The following GRAMD4 variants were observed in gnomAD, a reference collection of about 807,000 sequenced individuals.
The protein encoded by GRAMD4 is GRAM domain containing 4, also known as GRAM domain-containing protein 4.
GRAMD4 carries 25 observed loss-of-function variants against 83.9 expected under a neutral mutation model. The ratio of observed to expected loss-of-function variants is 0.30; its 90% confidence interval spans 0.22 to 0.42. The LOEUF is 0.42. Among genes scored for constraint, GRAMD4 ranks in the 10% least tolerant of loss-of-function variants. The probability of loss-of-function intolerance (pLI) is 1.00; values close to 1 mark genes in which losing one functional copy is unlikely to be tolerated. For missense variants in GRAMD4, 593 were observed against 788.7 expected, an observed-to-expected ratio of 0.75 and a Z score of 2.97; for synonymous variants, 336 against 320.9, an observed-to-expected ratio of 1.05 and a Z score of -0.50.
chr22:46,677,094 C>T, intron 18 of GRAMD4, 53 bp from the exon 19 acceptor site: 2 of 1,606,004 alleles, frequency 1.2e-6, no homozygotes, highest in Non-Finnish European at 1.7e-6. Context: ...GGTCCTGGTC[C>T]TGGCGCCAGC....
Position 46,626,821 on chromosome 22 carries a change from A to G in GRAMD4, c.22A>G (p.Ile8Val). 6.2e-7 allele frequency: 1 copy of G among 1,614,000 alleles called. No homozygotes were observed. The highest frequency in any genetic ancestry group is 1.1e-5 in the South Asian group (1 of 91,080). Residue 8 changes from isoleucine to valine, a missense_variant, in exon 2 of 19, where the codon ATC becomes GTC. Ile to Val is a conservative substitution (Grantham distance 29). Transcript: ENST00000406902. Reference protein sequence around the residue: MLRRLDKIRFRGHKRDDF... With the variant: MLRRLDKVRFRGHKRDDF... ...GAACATGCTAAGGAGGTTGGACAAA[A>G]TCAGGTTCAGAGGTCACAAGAGAGA...
chr22:46,653,814 T>C (rs1359163378), intron 3 of GRAMD4, among the ~76,000 whole-genome samples: 2 of 152,168 alleles, frequency 1.3e-5, no homozygotes, highest in South Asian at 2.1e-4. Context: ...CCTGGGAAAG[T>C]ACCTGAGCCT....
At chr22:46,652,439 A>T (rs1320912004) in intron 3 of GRAMD4, among the ~76,000 whole-genome samples, 1 of 152,148 alleles carries the variant, frequency 6.6e-6, no homozygotes, top group African/African-American at 2.4e-5. Flanking sequence ...TGGACTTCTG[A>T]CCCCAGAACT....
In GRAMD4 at chr22:46,597,491, T is replaced by C. The variant is rs138892588; in HGVS notation, c.-50+20201T>C. Among the ~76,000 whole-genome samples the C allele has an allele frequency of 1.5e-4, 23 of 152,180 alleles. 2 individuals are homozygous for C. The East Asian group carries it at 3.9e-3, about 26-fold the overall frequency. On this transcript the variant is annotated intron_variant, in intron 1 of 1. Coordinates refer to the GRAMD4 transcript ENST00000431155. ...TGGTTTCATTTATCTATCTATCTAT[T>C]TATTTATTTATTTTTTGAGACGGAG...
intron 1 of GRAMD4, among the ~76,000 whole-genome samples, chr22:46,585,484 C>T (rs1374730763): frequency 3.9e-5 from 6 of 152,224 alleles, no homozygotes; most frequent in Admixed American, 2.0e-4. Flanking sequence ...GCCACCGCGC[C>T]CGGCTGCCTG....
At chr22:46,610,803 C>T (rs981512234) in intron 1 of GRAMD4, among the ~76,000 whole-genome samples, 2 of 152,204 alleles carry the variant, frequency 1.3e-5, no homozygotes, top group African/African-American at 4.8e-5. Context: ...CCACTAGAAA[C>T]GCATCCCTCC....
rs1239844802 is a variant in GRAMD4, at chr22:46,620,439, G to A, written c.-176G>A. ...GGGCAGCAGACACCACCCTCTCCGT[G>A]CCTGCTGGTGTTGGGCGGCTTGGAG... On this transcript the variant is annotated 5_prime_UTR_variant, in exon 1 of 19. Coordinates refer to ENST00000406902, the MANE Select transcript of GRAMD4 (RefSeq NM_015124.5). This position sits in a 1 kb window ranked among gnomAD's most constrained non-coding sequence, Gnocchi z 4.7. The A allele has an allele frequency of 1.2e-5, 12 of 985,338 alleles. No homozygotes were observed. The South Asian group carries it at 2.3e-4, about 19-fold the overall frequency. The allele number at this position is 985,338 out of a possible 1,614,324, so 61.0% of individuals were successfully genotyped here.
chr22:46,668,762 G>A (rs780018003), intron 12 of GRAMD4, 30 bp downstream of exon 12: 48 of 1,592,626 alleles, frequency 3.0e-5, no homozygotes, highest in African/African-American at 6.9e-5. Context: ...CCGGCCCTGC[G>A]GCGCCCGCCC....
chr22:46,640,405 CGTT>C (rs2081958232), intron 3 of GRAMD4, among the ~76,000 whole-genome samples: 1 of 152,046 alleles, frequency 6.6e-6, no homozygotes, highest in Admixed American at 6.5e-5. Flanking sequence ...CGCTTTGAGA[CGTT>C]GTTGATAACA....
chr22:46,618,191 C>T (rs1006321107), upstream of GRAMD4, among the ~76,000 whole-genome samples: 6 of 152,112 alleles, frequency 3.9e-5, no homozygotes, highest in Non-Finnish European at 8.8e-5. This position sits in a 1 kb window ranked among gnomAD's most constrained non-coding sequence, Gnocchi z 5.8. Flanking sequence ...GAGGGAGACT[C>T]GGGTGCCTGC....
Position 46,621,456 on chromosome 22 carries a change from C to T in GRAMD4, c.-50+891C>T, listed in dbSNP as rs1437821401. On this transcript the variant is annotated intron_variant, in intron 1 of 18. Transcript: ENST00000406902. The surrounding 1 kb of genome is among the most constrained non-coding windows in gnomAD (Gnocchi z 5.8). ...CATGTGGCCGTGGAGGGCACCCCTA[C>T]CCCGGTGCAGGCGCAGGCTGGAGGC... 6.6e-6 allele frequency among the ~76,000 whole-genome samples: 1 copy of T among 152,142 alleles called. No individual in the cohort carries two copies. The highest frequency in any genetic ancestry group is 1.5e-5 in the Non-Finnish European group (1 of 68,008).
At chr22:46,661,313 G>A (rs976655798) in intron 4 of GRAMD4, 68 bp from the exon 5 acceptor site, 12 of 1,255,782 alleles carry the variant, frequency 9.6e-6, no homozygotes, top group Non-Finnish European at 1.4e-5. Flanking sequence ...GAGCCCTCGG[G>A]GGTGCCTGAC....
rs1277114957 is a variant in GRAMD4, at chr22:46,678,355, T to TC, written c.*1109dup. ...GCAGCCGACATGCGACAGCGTTCCCTCCCCCGCGTGCCTAGCCGGTGCCGG... is the reference window on the plus strand; with the variant it reads ...GCAGCCGACATGCGACAGCGTTCCCTCCCCCCGCGTGCCTAGCCGGTGCCGG... On this transcript the variant is annotated 3_prime_UTR_variant, in exon 19 of 19. Coordinates refer to ENST00000406902, the MANE Select transcript of GRAMD4 (RefSeq NM_015124.5). The TC allele has an allele frequency of 3.6e-4, 358 of 984,746 alleles. 1 individual carries two copies. Among genetic ancestry groups the TC allele is most frequent in the Non-Finnish European group, 4.0e-4 (333 of 829,574 alleles). The allele number at this position is 984,746 out of a possible 1,614,324, so 61.0% of individuals were successfully genotyped here. A position where few individuals can be genotyped will look rare whatever the true frequency, so the allele number is the denominator to read the frequency against.
intron 3 of GRAMD4, among the ~76,000 whole-genome samples, chr22:46,657,078 C>G (rs1355828804): frequency 1.3e-5 from 2 of 152,246 alleles, no homozygotes; most frequent in African/African-American, 4.8e-5. Flanking sequence ...TTAACCGTGA[C>G]CTTGGCCCTG....
intron 2 of GRAMD4, among the ~76,000 whole-genome samples, chr22:46,628,103 T>C (rs956383889): frequency 2.0e-5 from 3 of 152,182 alleles, no homozygotes; most frequent in African/African-American, 7.2e-5. Flanking sequence ...TGGTGGTCTG[T>C]GTGCTGAGCA....
chr22:46,589,038 C>T (rs529350461), intron 1 of GRAMD4, among the ~76,000 whole-genome samples: 44 of 152,106 alleles, frequency 2.9e-4, no homozygotes, highest in African/African-American at 9.6e-4. Context: ...GGGCTGGGTA[C>T]GCAGCAGGTG....
chr22:46,682,541 C>A, downstream of GRAMD4: 1 of 541,230 alleles, frequency 1.8e-6, no homozygotes, highest in Non-Finnish European at 2.4e-6. Flanking sequence ...CGAGGGCGCC[C>A]GCCCAGTGAC....
intron 17 of GRAMD4, among the ~76,000 whole-genome samples, chr22:46,676,016 C>T (rs1202556053): frequency 6.6e-6 from 1 of 152,236 alleles, no homozygotes; most frequent in African/African-American, 2.4e-5. Context: ...CCCTTGTTTT[C>T]TGGGGCAGGG....
At chr22:46,585,193 CTT>C (rs61489516) in intron 1 of GRAMD4, among the ~76,000 whole-genome samples, 79 of 141,554 alleles carry the variant, frequency 5.6e-4, no homozygotes, top group Admixed American at 9.9e-4. Context: ...TTCTTTCTTT[CTT>C]TTTTTTTTTT....
Sources: gnomAD v4.1 joint callset for allele counts (sites outside exome capture counted in the v4.1 genomes callset) on GRCh38, gnomAD v4.1.1 for gene constraint, Gnocchi (gnomAD v3.1) non-coding constraint, MANE v1.5 for transcripts, NCBI Gene and HGNC (gene_info 2026-07-23, HGNC 2026-07-21) for gene names.